SLCO1A2: variants seen among roughly 807,000 people sequenced by gnomAD.
SLCO1A2 encodes OATP-1.
Under a neutral mutation model 69.0 loss-of-function variants are expected in SLCO1A2, and 67 were observed. That is an observed-to-expected ratio of 0.97 (90% CI 0.80 to 1.19). SLCO1A2 has a LOEUF of 1.19. SLCO1A2 is among the 50% of genes most tolerant of loss of function. The pLI is 0.00. For synonymous variants in SLCO1A2, 260 were observed against 265.9 expected, an observed-to-expected ratio of 0.98 and a Z score of 0.22; for missense variants, 787 against 793.7, an observed-to-expected ratio of 0.99 and a Z score of 0.10.
At chr12:21,370,971 G>A (rs375258041) in intron 2 of SLCO1A2, among the ~76,000 whole-genome samples, 6 of 152,158 alleles carry the variant, frequency 3.9e-5, no homozygotes, top group East Asian at 1.9e-4. Flanking sequence ...TTGAAGAGGC[G>A]GTGTTACAGC....
exon 1 of SLCO1A2, chr12:21,394,926 G>A (rs1167349350): frequency 6.6e-6 from 1 of 152,212 alleles, no homozygotes; most frequent in Non-Finnish European, 1.5e-5. Flanking sequence ...GGAAGATGAT[G>A]ATAGTAACAT....
chr12:21,376,329 G>A, intron 1 of SLCO1A2: 1 of 356,634 alleles, frequency 2.8e-6, no homozygotes. Flanking sequence ...TGAGATGTTT[G>A]GACCAAATTC....
intron 12 of SLCO1A2, among the ~76,000 whole-genome samples, chr12:21,279,340 T>G (rs981961220): frequency 6.6e-6 from 1 of 152,120 alleles, no homozygotes; most frequent in South Asian, 2.1e-4. Context: ...AGAAAGGTAT[T>G]GATTCCAAGT....
intron 2 of SLCO1A2, chr12:21,372,886 T>C (rs772597027): frequency 1.0e-5 from 2 of 197,066 alleles, no homozygotes; most frequent in Non-Finnish European, 2.1e-5. Context: ...AAGAGCTGGA[T>C]TACTAGTTAG....
chr12:21,356,514 G>C (rs557861011), intron 2 of SLCO1A2, among the ~76,000 whole-genome samples: 49 of 145,826 alleles, frequency 3.4e-4, no homozygotes, highest in African/African-American at 1.2e-3. Flanking sequence ...AAAGGAAGGA[G>C]AGAGGTAAGA....
intron 14 of SLCO1A2, 127 bp downstream of exon 14, chr12:21,274,342 T>C: frequency 1.8e-6 from 1 of 560,422 alleles, no homozygotes; most frequent in Non-Finnish European, 3.2e-6. Flanking sequence ...ATAACATCAG[T>C]ATCTCTGCTG....
upstream of SLCO1A2, among the ~76,000 whole-genome samples, chr12:21,337,447 A>G (rs2306231): frequency 0.37 from 56,566 of 151,742 alleles, 11,288 homozygotes; most frequent in African/African-American, 0.52. Flanking sequence ...CTCTACTCTC[A>G]AATTAATGAA....
At chr12:21,403,379 T>C (rs1264228283) in intron 1 of SLCO1A2, 1 of 152,168 alleles carries the variant, frequency 6.6e-6, no homozygotes, top group Non-Finnish European at 1.5e-5. Flanking sequence ...AATGACTAAA[T>C]TGCAACCCAC....
chr12:21,344,312 C>T (rs1953183375), intron 2 of SLCO1A2, among the ~76,000 whole-genome samples: 1 of 151,992 alleles, frequency 6.6e-6, no homozygotes, highest in Non-Finnish European at 1.5e-5. Context: ...ATCCATCATA[C>T]CAGAAACCTA....
Position 21,301,342 on chromosome 12 carries a change from G to A in SLCO1A2, c.590-73C>T, listed in dbSNP as rs563175235. 21 of 925,204 alleles carry A rather than the reference G, an allele frequency of 2.3e-5. No homozygotes were observed. The Admixed American group carries it at 4.8e-4, about 21-fold the overall frequency. 57.3% of individuals were successfully genotyped at this position (925,204 alleles called of 1,614,324 possible). A position where few individuals can be genotyped will look rare whatever the true frequency, so the allele number is the denominator to read the frequency against. On this transcript the variant is annotated intron_variant, in intron 6 of 14. Transcript: ENST00000683939. ...ATAAAGAGTTCTAGGTCTATGAAAA[G>A]CCTGAAGATTGAATATTTTTGCCTT...
rs1953172445 is a variant in SLCO1A2 at position 21,344,128 on chromosome 12, C to A, written c.-62-9419G>T. Among the ~76,000 whole-genome samples, 3 of 152,168 alleles carry A rather than the reference C, an allele frequency of 2.0e-5. No homozygotes were observed. In the South Asian group the frequency reaches 6.2e-4, roughly 32 times the overall value. On this transcript the variant is annotated intron_variant, in intron 2 of 15. Coordinates refer to the SLCO1A2 transcript ENST00000307378. ...ATCTTGTTTACTGAGTGACCATTTG[C>A]ATGTAGCATTGATGTTACAGGTACA...
At chr12:21,275,526 T>G (rs1056660620) in intron 12 of SLCO1A2, 102 bp from the exon 13 acceptor site, 59 of 1,187,018 alleles carry the variant, frequency 5.0e-5, no homozygotes, top group Non-Finnish European at 6.5e-5. Flanking sequence ...ATAATGAACA[T>G]TCAAAATTTT....
chr12:21,406,020 A>C (rs186661543), intron 1 of SLCO1A2, among the ~76,000 whole-genome samples: 2 of 152,328 alleles, frequency 1.3e-5, no homozygotes, highest in Admixed American at 1.3e-4. Context: ...GGTCCTAGAG[A>C]TATTGTTATA....
intron 1 of SLCO1A2, among the ~76,000 whole-genome samples, chr12:21,380,436 G>GT (rs1168852849): frequency 6.6e-6 from 1 of 152,106 alleles, no homozygotes; most frequent in African/African-American, 2.4e-5. Flanking sequence ...TAACACAAAG[G>GT]TTATTATATG....
chr12:21,284,423 C>T (rs892985480), intron 12 of SLCO1A2, among the ~76,000 whole-genome samples: 2 of 150,968 alleles, frequency 1.3e-5, no homozygotes, highest in Admixed American at 1.3e-4. Context: ...TTTAACACCC[C>T]ACTGTCAACA....
intron 1 of SLCO1A2, among the ~76,000 whole-genome samples, chr12:21,407,379 G>A (rs557533085): frequency 1.1e-4 from 16 of 152,256 alleles, no homozygotes; most frequent in African/African-American, 3.4e-4. Flanking sequence ...CAGTTGGAGC[G>A]TTGAGCAGAG....
upstream of SLCO1A2, among the ~76,000 whole-genome samples, chr12:21,418,739 G>A: frequency 6.6e-6 from 1 of 152,070 alleles, no homozygotes; most frequent in East Asian, 1.9e-4. Flanking sequence ...AGATTTGGAT[G>A]CAGACACAGC....
In SLCO1A2 at chr12:21,334,850, GA is replaced by G; in HGVS notation, c.-87del. 1 of 460,198 alleles carries G rather than the reference GA, an allele frequency of 2.2e-6. No homozygotes were observed. The highest frequency in any genetic ancestry group is 3.8e-6 in the Non-Finnish European group (1 of 262,106). 28.5% of individuals were successfully genotyped at this position (460,198 alleles called of 1,614,324 possible). ...ACCTGGAACGCTTTAATACAGATTA[GA>G]AAATCATGGTGTTAGAGAAGATTTA... On this transcript the variant is annotated 5_prime_UTR_variant, in exon 1 of 15. The change abolishes the stop of an existing upstream ORF in the 5' untranslated region. Coordinates refer to ENST00000683939, the MANE Select transcript of SLCO1A2 (RefSeq NM_001386879.1).
At chr12:21,319,320 G>A (rs10505872) in intron 2 of SLCO1A2, 184,580 of 1,358,958 alleles carry the variant, frequency 0.14, 13,411 homozygotes, top group Non-Finnish European at 0.15. Context: ...ACATTATTTC[G>A]GTAGCAAATA....
Sources: gnomAD v4.1 joint callset for allele counts (sites outside exome capture counted in the v4.1 genomes callset) on GRCh38, gnomAD v4.1.1 for gene constraint, MANE v1.5 for transcripts, NCBI Gene and HGNC (gene_info 2026-07-23, HGNC 2026-07-21) for gene names.